Variants in MLYCD observed in about 807,000 individuals in gnomAD.
MLYCD encodes the protein malonyl-CoA decarboxylase, mitochondrial.
A neutral mutation model predicts 35.8 loss-of-function variants in MLYCD; 27 were observed. The observed-to-expected ratio is 0.75, with a 90% CI of 0.56 to 1.04. MLYCD has a LOEUF of 1.04. MLYCD is among the 50% of genes least tolerant of loss of function. The probability of loss-of-function intolerance (pLI) is 0.00; values close to 1 mark genes in which losing one functional copy is unlikely to be tolerated. For synonymous variants in MLYCD, 403 were observed against 302.4 expected (o/e 1.33, Z -3.45); for missense variants, 917 against 665.1 (o/e 1.38, Z -4.17).
At position 83,915,130 on chromosome 16, in the gene MLYCD, C is replaced by G. The variant is rs1907328013; in HGVS notation, c.1123C>G (p.Leu375Val). The change falls in exon 5 of 5, where the codon CTC becomes GTC. Residue 375 changes from leucine to valine, a missense_variant. Transcript: ENST00000262430. ...CACAGGTGGCCCCATTAACGAGACC[C>G]TCAAGCTCCTCCTCAGCAGCAGCGA... is the stretch of plus-strand genomic sequence containing the variant. The part of the protein sequence containing the change: ...EITGGPINET[L>V]KLLLSSSEWV... 1 of 1,614,276 alleles carries G rather than the reference C, an allele frequency of 6.2e-7. No homozygotes were observed. Among genetic ancestry groups the G allele is most frequent in the Non-Finnish European group, 8.5e-7 (1 of 1,180,046 alleles).
chr16:83,909,788 A>G (rs931342142), intron 3 of MLYCD, among the ~76,000 whole-genome samples: 1 of 149,410 alleles, frequency 6.7e-6, no homozygotes, highest in Non-Finnish European at 1.5e-5. Context: ...ATGCCCAGCT[A>G]ATTTTTTTTT....
Position 83,917,596 on chromosome 16 carries a change from C to T in MLYCD, c.*2107C>T, listed in dbSNP as rs1363737043. On this transcript the variant is annotated 3_prime_UTR_variant, in exon 5 of 5. Transcript: ENST00000262430. ...CGGGAGCTGTCTCATGCCTCTTGTT[C>T]TCCGGGCTGATTCTGAAAGAGTGGC... 1.3e-5 allele frequency: 2 copies of T among 152,310 alleles called. No homozygotes were observed. Among genetic ancestry groups the T allele is most frequent in the African/African-American group, 2.4e-5 (1 of 41,472 alleles). 9.4% of individuals were successfully genotyped at this position (152,310 alleles called of 1,614,324 possible). A position where few individuals can be genotyped will look rare whatever the true frequency, so the allele number is the denominator to read the frequency against.
At chr16:83,910,827 C>T (rs1203438663) in intron 3 of MLYCD, among the ~76,000 whole-genome samples, 1 of 152,190 alleles carries the variant, frequency 6.6e-6, no homozygotes, top group Admixed American at 6.5e-5. Context: ...ATATGTCCTT[C>T]ATGTCATGAG....
chr16:83,920,342 C>T lies in MLYCD; in HGVS notation c.*4853C>T, dbSNP rs550858756. On this transcript the variant is annotated 3_prime_UTR_variant, in exon 5 of 5. Coordinates refer to ENST00000262430, the MANE Select transcript of MLYCD (RefSeq NM_012213.3). ...CAGCTAGCAGCTTTGACTAGCAGCT[C>T]ATCTCACCAGGCTGAGGTCGCTGCC... 141 of 152,326 alleles carry T rather than the reference C, an allele frequency of 9.3e-4. No individual in the cohort carries two copies. Among genetic ancestry groups the T allele is most frequent in the African/African-American group, 3.1e-3 (130 of 41,562 alleles). The allele number at this position is 152,326 out of a possible 1,614,324, so 9.4% of individuals were successfully genotyped here.
intron 3 of MLYCD, among the ~76,000 whole-genome samples, chr16:83,910,068 T>C (rs1035852134): frequency 6.6e-6 from 1 of 152,170 alleles, no homozygotes; most frequent in African/African-American, 2.4e-5. Flanking sequence ...CGTGAGAATG[T>C]GCGTGGGTAC....
chr16:83,918,469 AGAAC>A lies in MLYCD; in HGVS notation c.*2981_*2984del, dbSNP rs1907513135. 3 of 135,192 alleles carry A rather than the reference AGAAC, an allele frequency of 2.2e-5. No individual in the cohort carries two copies. Among genetic ancestry groups the A allele is most frequent in the African/African-American group, 8.0e-5 (3 of 37,596 alleles). 8.4% of individuals were successfully genotyped at this position (135,192 alleles called of 1,614,324 possible). Reference sequence around the variant, plus strand: ...AGAACACGCACACACGGTGCACAGGAGAACACACACAGTGCACAGGAGAACACGC... The same window carrying A: ...AGAACACGCACACACGGTGCACAGGAACACACAGTGCACAGGAGAACACGC... On this transcript the variant is annotated 3_prime_UTR_variant, in exon 5 of 5. Transcript: ENST00000262430.
At position 83,915,160 on chromosome 16, in the gene MLYCD, G is replaced by C. The variant is rs747617187; in HGVS notation, c.1153G>C (p.Val385Leu). The change falls in exon 5 of 5, where the codon GTG becomes CTG. Residue 385 changes from valine to leucine, a missense_variant. By Grantham distance (32) the Val-to-Leu change is conservative (BLOSUM62 1). Transcript: ENST00000262430. ...LKLLLSSSEW[V>L]QSEKLVRALQ... is the part of the protein sequence containing the mutation. ...GCTCCTCCTCAGCAGCAGCGAGTGG[G>C]TGCAGTCGGAGAAGCTGGTGCGGGC... 22 of 1,614,104 alleles carry C rather than the reference G, an allele frequency of 1.4e-5. No individual in the cohort carries two copies. The highest frequency in any genetic ancestry group is 2.5e-6 in the Non-Finnish European group (3 of 1,180,020).
chr16:83,902,906 A>G (rs1391456859), intron 1 of MLYCD, among the ~76,000 whole-genome samples: 1 of 151,814 alleles, frequency 6.6e-6, no homozygotes, highest in Non-Finnish European at 1.5e-5. Context: ...AGGAGTTTGG[A>G]GGTATGTGTG....
Position 83,916,087 on chromosome 16 carries a change from G to C in MLYCD, c.*598G>C, listed in dbSNP as rs1420121804. On this transcript the variant is annotated 3_prime_UTR_variant, in exon 5 of 5. Transcript: ENST00000262430. Reference sequence around the variant, plus strand: ...GTTGAACACAAAAATGTTGCTGCTTGAGGCATAAGTTGGATAATAGGCTTT... The same window carrying C: ...GTTGAACACAAAAATGTTGCTGCTTCAGGCATAAGTTGGATAATAGGCTTT... 7.1e-5 allele frequency: 71 copies of C among 997,210 alleles called. No homozygotes were observed. The highest frequency in any genetic ancestry group is 1.6e-4 in the Admixed American group (3 of 18,870). The allele number at this position is 997,210 out of a possible 1,614,324, so 61.8% of individuals were successfully genotyped here.
At chr16:83,901,416 A>T (rs940067941) in intron 1 of MLYCD, among the ~76,000 whole-genome samples, 2 of 152,234 alleles carry the variant, frequency 1.3e-5, no homozygotes, top group Non-Finnish European at 2.9e-5. Flanking sequence ...CATAAGACAC[A>T]CTTGACACAC....
intron 3 of MLYCD, 42 bp downstream of exon 3, chr16:83,908,324 A>G: frequency 6.2e-7 from 1 of 1,606,866 alleles, no homozygotes; most frequent in Non-Finnish European, 8.5e-7. Flanking sequence ...GGCACCCCAT[A>G]GAGCCCCTTG....
Position 83,915,026 on chromosome 16 carries a change from G to A in MLYCD, c.1019G>A (p.Gly340Glu). The part of the protein sequence containing the change: ...PIPGFTKWLL[G>E]LLNSQTKEHG... ...CCTGGTTTCACCAAATGGCTTCTGG[G>A]GCTTCTGAACTCGCAAACGAAGGAG... Residue 340 changes from glycine (G) to glutamate (E), a missense_variant, in exon 5 of 5, where the codon GGG becomes GAG. Coordinates refer to ENST00000262430, the MANE Select transcript of MLYCD (RefSeq NM_012213.3). 6.2e-7 allele frequency: 1 copy of A among 1,614,222 alleles called. No individual in the cohort carries two copies. Among genetic ancestry groups the A allele is most frequent in the Non-Finnish European group, 8.5e-7 (1 of 1,180,052 alleles).
rs1369721921 is a variant in MLYCD at position 83,927,006 on chromosome 16, A to T, written c.*11517A>T. 1.4e-5 allele frequency: 2 copies of T among 143,776 alleles called. No individual in the cohort carries two copies. The highest frequency in any genetic ancestry group is 3.0e-5 in the Non-Finnish European group (2 of 66,082). The allele number at this position is 143,776 out of a possible 1,614,324, so 8.9% of individuals were successfully genotyped here. A position where few individuals can be genotyped will look rare whatever the true frequency, so the allele number is the denominator to read the frequency against. ...GAGCGAGACTACGTCTCAAAAAAAA[A>T]TAAAAATAAAAAAATAAAATCCTAA... On this transcript the variant is annotated 3_prime_UTR_variant, in exon 5 of 5. Coordinates refer to ENST00000262430, the MANE Select transcript of MLYCD (RefSeq NM_012213.3).
At position 83,908,297 on chromosome 16, in the gene MLYCD, C is replaced by G. The variant is rs2151057182; in HGVS notation, c.798+15C>G. ...GCAACATCCAGGTACCTGCGATGGT[C>G]AATTCGGGACAAGATGGGCACCCCA... On this transcript the variant is annotated intron_variant, in intron 3 of 4. Coordinates refer to ENST00000262430, the MANE Select transcript of MLYCD (RefSeq NM_012213.3). The G allele has an allele frequency of 1.2e-6, 2 of 1,613,492 alleles. No homozygotes were observed. The highest frequency in any genetic ancestry group is 1.7e-6 in the Non-Finnish European group (2 of 1,179,952).
intron 1 of MLYCD, among the ~76,000 whole-genome samples, chr16:83,905,493 T>C (rs187394789): frequency 6.6e-6 from 1 of 152,274 alleles, no homozygotes; most frequent in Admixed American, 6.5e-5. Flanking sequence ...CTGATTCTGC[T>C]CTTTGGTGCT....
rs1906695572 is a variant in MLYCD, at chr16:83,899,438, C to G, written c.294C>G (p.Asp98Glu). 6.6e-7 allele frequency: 1 copy of G among 1,518,800 alleles called. No individual in the cohort carries two copies. The highest frequency in any genetic ancestry group is 2.1e-5 in the Admixed American group (1 of 48,472). The allele number at this position is 1,518,800 out of a possible 1,614,324, so 94.1% of individuals were successfully genotyped here. The change falls in exon 1 of 5, where the codon GAC becomes GAG. Residue 98 changes from aspartate (D) to glutamate (E), a missense_variant. By Grantham distance (45) the Asp-to-Glu change is conservative. Coordinates refer to ENST00000262430, the MANE Select transcript of MLYCD (RefSeq NM_012213.3). ...LGRLARGFGV[D>E]HGQVAEQSAG... is the part of the protein sequence containing the mutation. ...GCCTGGCGCGGGGCTTCGGCGTGGA[C>G]CACGGCCAGGTGGCGGAGCAGAGCG...
intron 1 of MLYCD, among the ~76,000 whole-genome samples, chr16:83,902,445 T>G (rs1031258453): frequency 5.3e-5 from 8 of 151,710 alleles, no homozygotes; most frequent in South Asian, 2.1e-4. Flanking sequence ...GGATCTGATA[T>G]TGTAACCTCT....
intron 1 of MLYCD, among the ~76,000 whole-genome samples, chr16:83,902,908 G>T (rs969586516): frequency 6.6e-6 from 1 of 152,184 alleles, no homozygotes; most frequent in East Asian, 1.9e-4. Flanking sequence ...GAGTTTGGAG[G>T]TATGTGTGTC....
At chr16:83,910,433 T>G (rs1419319483) in intron 3 of MLYCD, among the ~76,000 whole-genome samples, 1 of 151,958 alleles carries the variant, frequency 6.6e-6, no homozygotes, top group Non-Finnish European at 1.5e-5. Flanking sequence ...GCGCCCAGAA[T>G]CCCAACACCC....
Sources: allele counts gnomAD v4.1 joint callset (sites outside exome capture counted in the v4.1 genomes callset), GRCh38; gene constraint gnomAD v4.1.1; transcripts MANE v1.5; gene names NCBI Gene and HGNC (gene_info 2026-07-23, HGNC 2026-07-21).